ZNF385D: variants seen among roughly 807,000 people sequenced by gnomAD.
ZNF385D encodes the protein zinc finger protein 385D.
A neutral mutation model predicts 35.8 loss-of-function variants in ZNF385D; 15 were observed. That is an observed-to-expected ratio of 0.42 (90% CI 0.28 to 0.64). The LOEUF (loss-of-function observed/expected upper bound fraction) is 0.64. Among genes scored for constraint, ZNF385D ranks in the 30% least tolerant of loss-of-function variants. ZNF385D has a pLI of 0.23. For missense variants in ZNF385D, 474 were observed against 494.6 expected (o/e 0.96, Z 0.39); for synonymous variants, 212 against 186.8 (o/e 1.13, Z -1.10).
At chr3:22,001,963 T>A (rs1004469266) in intron 3 of ZNF385D, among the ~76,000 whole-genome samples, 8 of 151,876 alleles carry the variant, frequency 5.3e-5, no homozygotes, top group Non-Finnish European at 1.0e-4. Flanking sequence ...GGGAAGTTTA[T>A]CACAATAAAT....
At chr3:22,315,563 T>G (rs60993035) in intron 2 of ZNF385D, among the ~76,000 whole-genome samples, 42,053 of 150,652 alleles carry the variant, frequency 0.28, 6,365 homozygotes, top group African/African-American at 0.42. Context: ...GGGGAAAACA[T>G]AAATTCAAAA....
intron 4 of ZNF385D, among the ~76,000 whole-genome samples, chr3:21,481,782 T>C (rs956205151): frequency 2.0e-5 from 3 of 152,126 alleles, no homozygotes; most frequent in African/African-American, 7.2e-5. Flanking sequence ...AGTTAGCTAG[T>C]ATATTTGTCT....
chr3:22,218,854 C>A (rs1559460048), intron 2 of ZNF385D, among the ~76,000 whole-genome samples: 1 of 152,018 alleles, frequency 6.6e-6, no homozygotes. Flanking sequence ...TAGGGTTGAT[C>A]TGAGATATCT....
intron 1 of ZNF385D, among the ~76,000 whole-genome samples, chr3:21,706,030 C>T (rs926855533): frequency 2.6e-5 from 4 of 152,176 alleles, no homozygotes; most frequent in African/African-American, 4.8e-5. Flanking sequence ...TCCCTGTACA[C>T]GACAGAACAT....
Position 21,415,149 on chromosome 3 carries a change from T to C in ZNF385D, c.*6065A>G, listed in dbSNP as rs1700544186. The C allele has an allele frequency of 1.3e-5, 2 of 152,174 alleles. No individual in the cohort carries two copies. The highest frequency in any genetic ancestry group is 6.6e-5 in the Admixed American group (1 of 15,262). 9.4% of individuals were successfully genotyped at this position (152,174 alleles called of 1,614,324 possible). A position where few individuals can be genotyped will look rare whatever the true frequency, so the allele number is the denominator to read the frequency against. The stretch of plus-strand genomic sequence containing the variant: ...TCAATAGATTTATGTTGAACAATCC[T>C]ATTAGTGAGAGACTTTAAAAATAAT... On this transcript the variant is annotated 3_prime_UTR_variant, in exon 8 of 8. Transcript: ENST00000281523.
intron 3 of ZNF385D, among the ~76,000 whole-genome samples, chr3:22,024,394 G>A (rs1697413300): frequency 6.6e-6 from 1 of 151,976 alleles, no homozygotes; most frequent in Non-Finnish European, 1.5e-5. Context: ...TACAGATTTT[G>A]GTCCCAGGAG....
chr3:22,322,574 C>A (rs1237377174), intron 2 of ZNF385D, among the ~76,000 whole-genome samples: 1 of 152,136 alleles, frequency 6.6e-6, no homozygotes, highest in Non-Finnish European at 1.5e-5. Flanking sequence ...TTTTAACCTG[C>A]CCAATCAGTG....
intron 3 of ZNF385D, among the ~76,000 whole-genome samples, chr3:21,760,708 G>C (rs1329851508): frequency 6.6e-6 from 1 of 152,060 alleles, no homozygotes; most frequent in African/African-American, 2.4e-5. Context: ...ACTAAATATA[G>C]AATACAATTC....
intron 1 of ZNF385D, among the ~76,000 whole-genome samples, chr3:21,744,963 T>G (rs906350821): frequency 1.3e-5 from 2 of 152,186 alleles, no homozygotes; most frequent in Non-Finnish European, 2.9e-5. Flanking sequence ...CCTTAGGGAA[T>G]GCGTGGAGGA....
intron 1 of ZNF385D, among the ~76,000 whole-genome samples, chr3:21,728,860 G>C (rs777597026): frequency 6.6e-6 from 1 of 152,148 alleles, no homozygotes; most frequent in African/African-American, 2.4e-5. Flanking sequence ...TTCATGTATT[G>C]ATTATATTTT....
chr3:21,492,283 A>C (rs1460393335), intron 4 of ZNF385D, among the ~76,000 whole-genome samples: 1 of 152,076 alleles, frequency 6.6e-6, no homozygotes, highest in African/African-American at 2.4e-5. Flanking sequence ...TCAATAGCTA[A>C]ATAACCAATT....
intron 2 of ZNF385D, among the ~76,000 whole-genome samples, chr3:22,340,848 C>T (rs1253656969): frequency 6.6e-6 from 1 of 152,184 alleles, no homozygotes; most frequent in Non-Finnish European, 1.5e-5. Context: ...TAAGCCAGGG[C>T]AGGAGCCATG....
intron 2 of ZNF385D, among the ~76,000 whole-genome samples, chr3:22,246,554 C>G (rs923229631): frequency 1.3e-5 from 2 of 152,086 alleles, no homozygotes; most frequent in Non-Finnish European, 2.9e-5. Context: ...AAGCCTAGAC[C>G]TGACTTTGCT....
intron 1 of ZNF385D, among the ~76,000 whole-genome samples, chr3:21,721,430 G>A (rs759610666): frequency 2.6e-5 from 4 of 151,872 alleles, no homozygotes; most frequent in African/African-American, 9.7e-5. Flanking sequence ...CCAGAGAAGA[G>A]AGCATCAACA....
rs1559516640 is a variant in ZNF385D at position 21,684,392 on chromosome 3, CTCTCTCTCTCTCCTCTCTCT to C, written c.23-19384_23-19365del. ...TCTCTCTCTCTCTCTCTCTCTCTCT[CTCTCTCTCTCTCCTCTCTCT>C]CTCTCTCTCTCTCTCTCTCCTCTCT... On this transcript the variant is annotated intron_variant, in intron 1 of 7. Transcript: ENST00000281523. 1.9e-4 allele frequency among the ~76,000 whole-genome samples: 17 copies of C among 89,516 alleles called. 1 individual carries two copies. The highest frequency in any genetic ancestry group is 2.9e-4 in the African/African-American group (6 of 20,774). The allele number at this position is 89,516 out of a possible 152,430, so 58.7% of individuals were successfully genotyped here. A position where few individuals can be genotyped will look rare whatever the true frequency, so the allele number is the denominator to read the frequency against.
chr3:21,833,411 T>C (rs1695126315), intron 3 of ZNF385D, among the ~76,000 whole-genome samples: 1 of 152,132 alleles, frequency 6.6e-6, no homozygotes, highest in Non-Finnish European at 1.5e-5. Context: ...ACATGTATCT[T>C]GTAAGAGAGG....
intron 3 of ZNF385D, among the ~76,000 whole-genome samples, chr3:21,826,089 G>A (rs767269512): frequency 7.9e-5 from 12 of 152,152 alleles, no homozygotes; most frequent in Non-Finnish European, 1.3e-4. Context: ...GGTCCCTAGT[G>A]CCAAAAACGT....
chr3:21,924,585 T>C (rs188235482), intron 3 of ZNF385D, among the ~76,000 whole-genome samples: 10 of 152,224 alleles, frequency 6.6e-5, no homozygotes, highest in Admixed American at 2.0e-4. Context: ...CTCTAATCTA[T>C]TACAAGCAAT....
At chr3:22,185,259 C>T in intron 2 of ZNF385D, among the ~76,000 whole-genome samples, 1 of 151,976 alleles carries the variant, frequency 6.6e-6, no homozygotes, top group Admixed American at 6.6e-5. Context: ...ACATTTGAGC[C>T]AAATTAAATG....
Sources: gnomAD v4.1 joint callset for allele counts (sites outside exome capture counted in the v4.1 genomes callset) on GRCh38, gnomAD v4.1.1 for gene constraint, MANE v1.5 for transcripts, NCBI Gene and HGNC (gene_info 2026-07-23, HGNC 2026-07-21) for gene names.